NLRP3: variants seen among roughly 807,000 people sequenced by gnomAD.
NLRP3 encodes NACHT, LRR and PYD domains-containing protein 3.
In NLRP3, 48 loss-of-function variants were observed where a neutral mutation model predicts 91.3. The ratio of observed to expected loss-of-function variants is 0.53; its 90% CI spans 0.42 to 0.67. The LOEUF (loss-of-function observed/expected upper bound fraction) is 0.67, where lower values mean the gene tolerates loss of function less well. Among genes scored for constraint, NLRP3 ranks in the 30% least tolerant of loss-of-function variants. The pLI is 0.00. For missense variants in NLRP3, 982 were observed against 1,276.9 expected (o/e 0.77, Z 3.52); for synonymous variants, 561 against 507.9 (o/e 1.10, Z -1.41).
In NLRP3 at chr1:247,425,903, A is replaced by G; in HGVS notation, c.2150+304A>G. ...ATATTTGTCAACTGAAATTTCTTGT[A>G]AGCTACTTGGAGCACTAGTGCCTAA... On this transcript the variant is annotated intron_variant, in intron 4 of 9. Coordinates refer to ENST00000336119, the MANE Select transcript of NLRP3 (RefSeq NM_001243133.2). This position sits in a 1 kb window ranked among gnomAD's most constrained non-coding sequence, Gnocchi z 4.1. 2.5e-6 allele frequency: 1 copy of G among 405,276 alleles called. No homozygotes were observed. The highest frequency in any genetic ancestry group is 4.6e-6 in the Non-Finnish European group (1 of 215,076). 25.1% of individuals were successfully genotyped at this position (405,276 alleles called of 1,614,324 possible). A position where few individuals can be genotyped will look rare whatever the true frequency, so the allele number is the denominator to read the frequency against.
Position 247,429,633 on chromosome 1 carries a change from A to C in NLRP3, c.2199A>C (p.Ser733=), listed in dbSNP as rs1663163757. ...LTSSFCRGLF[S]VLSTSQSLTE... is the part of the protein sequence containing the mutation. The stretch of plus-strand genomic sequence containing the variant: ...CCAGTTTTTGCCGGGGCCTCTTTTC[A>C]GTTCTGAGCACCAGCCAGAGTCTAA... The change falls in exon 5 of 10, where the codon TCA becomes TCC. Residue 733 remains serine (S), a synonymous_variant. Transcript: ENST00000336119. 1.2e-6 allele frequency: 2 copies of C among 1,614,022 alleles called. No individual in the cohort carries two copies. The highest frequency in any genetic ancestry group is 1.3e-5 in the African/African-American group (1 of 74,918).
chr1:247,423,471 C>G, intron 3 of NLRP3, 122 bp downstream of exon 3: 1 of 1,173,432 alleles, frequency 8.5e-7, no homozygotes, highest in Non-Finnish European at 1.3e-6. Context: ...ATGCAAAGGC[C>G]TGTCTCAGGA....
At chr1:247,447,950 C>T (rs1440316442) in intron 9 of NLRP3, among the ~76,000 whole-genome samples, 1 of 151,568 alleles carries the variant, frequency 6.6e-6, no homozygotes, top group Non-Finnish European at 1.5e-5. Context: ...TTTATGTATG[C>T]TTAACATTTT....
chr1:247,416,477 AG>A (rs1454715594), intron 1 of NLRP3, among the ~76,000 whole-genome samples: 1 of 152,182 alleles, frequency 6.6e-6, no homozygotes, highest in Non-Finnish European at 1.5e-5. Context: ...TATCCCTCCC[AG>A]GGGAGAAGAT....
In NLRP3 at chr1:247,424,889, C is replaced by G. The variant is rs756162800; in HGVS notation, c.1440C>G (p.Ile480Met). The change falls in exon 4 of 10, where the codon ATC (isoleucine) becomes ATG (methionine). Residue 480 changes from isoleucine (I) to methionine (M), a missense_variant. Ile to Met is a conservative substitution (Grantham distance 10). This residue lies in a region of NLRP3 where 548 missense variants were observed against 713.7 expected (regional missense o/e 0.77). Transcript: ENST00000336119. The surrounding 1 kb of genome is among the most constrained non-coding windows in gnomAD (Gnocchi z 8.1). ...CAGATGGAATCTGGAACCAGAAAAT[C>G]CTGTTTGAGGAGTCCGACCTCAGGA... ...LAADGIWNQK[I>M]LFEESDLRNH... 6 of 1,610,216 alleles carry G rather than the reference C, an allele frequency of 3.7e-6. No individual in the cohort carries two copies. The highest frequency in any genetic ancestry group is 4.2e-6 in the Non-Finnish European group (5 of 1,180,018).
chr1:247,440,660 T>G (rs1664145899), intron 7 of NLRP3, among the ~76,000 whole-genome samples: 1 of 152,140 alleles, frequency 6.6e-6, no homozygotes, highest in African/African-American at 2.4e-5. Context: ...CCTGGGTTCA[T>G]CTACAGCCAT....
chr1:247,426,193 GA>G (rs34953882), intron 4 of NLRP3, among the ~76,000 whole-genome samples: 49,791 of 151,970 alleles, frequency 0.33, 9,940 homozygotes, highest in South Asian at 0.45. Flanking sequence ...AGTTTCCTTG[GA>G]AAAAAACATG....
At chr1:247,438,668 G>A (rs2103192242) in intron 7 of NLRP3, among the ~76,000 whole-genome samples, 1 of 152,278 alleles carries the variant, frequency 6.6e-6, no homozygotes, top group East Asian at 1.9e-4. Context: ...ACAGGCGTGA[G>A]CCACACACCC....
At chr1:247,428,522 G>A (rs1276316085) in intron 4 of NLRP3, among the ~76,000 whole-genome samples, 1 of 152,196 alleles carries the variant, frequency 6.6e-6, no homozygotes, top group Non-Finnish European at 1.5e-5. Flanking sequence ...CCTAGGTTTT[G>A]GGAGGCCAAG....
At chr1:247,445,079 G>A (rs890711364) in intron 9 of NLRP3, among the ~76,000 whole-genome samples, 5 of 152,178 alleles carry the variant, frequency 3.3e-5, no homozygotes, top group South Asian at 2.1e-4. Context: ...GCCCTCATGC[G>A]ATCATGGCCA....
intron 9 of NLRP3, 107 bp downstream of exon 9, chr1:247,444,928 G>A: frequency 8.3e-7 from 1 of 1,211,130 alleles, no homozygotes. Flanking sequence ...AGCCACTCAA[G>A]ATTAGGTTGG....
rs193198118 is a variant in NLRP3 at position 247,441,762 on chromosome 1, G to A, written c.2664-2210G>A. 4.7e-4 allele frequency among the ~76,000 whole-genome samples: 71 copies of A among 152,280 alleles called. 1 individual carries two copies. Among genetic ancestry groups the A allele is most frequent in the African/African-American group, 1.6e-3 (67 of 41,558 alleles). Reference sequence around the variant, plus strand: ...ATTTTATTATGTGTTCAGTGTAACCGTTGCTTAATAGTTACCAGCATTTTC... The same window carrying A: ...ATTTTATTATGTGTTCAGTGTAACCATTGCTTAATAGTTACCAGCATTTTC... On this transcript the variant is annotated intron_variant, in intron 7 of 9. Transcript: ENST00000336119.
intron 9 of NLRP3, 76 bp downstream of exon 9, chr1:247,444,897 G>A: frequency 6.7e-7 from 1 of 1,488,558 alleles, no homozygotes; most frequent in Non-Finnish European, 9.3e-7. Context: ...CAAAATCCAG[G>A]ATGGCTCTCG....
chr1:247,436,187 G>C, intron 7 of NLRP3, 47 bp downstream of exon 7: 1 of 1,594,512 alleles, frequency 6.3e-7, no homozygotes, highest in Non-Finnish European at 8.6e-7. Flanking sequence ...TCTTTTCAGA[G>C]GTGAATTATT....
At chr1:247,423,172 C>G in intron 2 of NLRP3, 58 bp from the exon 3 acceptor site, 1 of 1,611,516 alleles carries the variant, frequency 6.2e-7, no homozygotes, top group Non-Finnish European at 8.5e-7. Flanking sequence ...GGCCAGGTTT[C>G]AATTGCATCC....
At chr1:247,431,717 G>A (rs2103144384) in intron 5 of NLRP3, among the ~76,000 whole-genome samples, 1 of 152,338 alleles carries the variant, frequency 6.6e-6, no homozygotes, top group South Asian at 2.1e-4. Context: ...CTGCACAAAA[G>A]TAAGATGGTC....
Position 247,429,699 on chromosome 1 carries a change from G to C in NLRP3, c.2265G>C (p.Gly755=). The C allele has an allele frequency of 1.2e-6, 2 of 1,614,130 alleles. No individual in the cohort carries two copies. The highest frequency in any genetic ancestry group is 1.7e-4 in the Middle Eastern group (1 of 6,060). The change falls in exon 5 of 10, where the codon GGG becomes GGC. Residue 755 remains glycine (G), a synonymous_variant. Transcript: ENST00000336119. ...GTGACAATTCTCTGGGGGACCCAGG[G>C]ATGAGAGTGTTGTGTGAAACGCTCC... ...DLSDNSLGDP[G]MRVLCETLQH...
chr1:247,440,312 C>T (rs1664121139), intron 7 of NLRP3, among the ~76,000 whole-genome samples: 2 of 152,192 alleles, frequency 1.3e-5, no homozygotes, highest in Non-Finnish European at 2.9e-5. Context: ...CCCTCTTCCT[C>T]CTGCCTCATT....
intron 4 of NLRP3, among the ~76,000 whole-genome samples, chr1:247,428,468 CA>C (rs1663064658): frequency 6.6e-6 from 1 of 152,174 alleles, no homozygotes; most frequent in South Asian, 2.1e-4. Context: ...ACAGGTGATT[CA>C]AAGGTGACTG....
Sources: gnomAD v4.1 joint callset for allele counts (sites outside exome capture counted in the v4.1 genomes callset) on GRCh38, gnomAD v4.1.1 for gene constraint, gnomAD v4.1.1 regional missense constraint, Gnocchi (gnomAD v3.1) non-coding constraint, MANE v1.5 for transcripts, NCBI Gene and HGNC (gene_info 2026-07-23, HGNC 2026-07-21) for gene names.